FMN2: variants seen among roughly 807,000 people sequenced by gnomAD.
FMN2 encodes the protein formin-2.
In FMN2, 51 loss-of-function variants were observed where a neutral mutation model predicts 142.3. The ratio of observed to expected loss-of-function variants is 0.36; its 90% CI spans 0.29 to 0.45. FMN2 has a LOEUF of 0.45. Ranked by LOEUF, FMN2 falls within the 20% of genes least tolerant of loss-of-function variation. The pLI, the probability that FMN2 is intolerant of heterozygous loss-of-function variation, is 1.00. For synonymous variants in FMN2, 882 were observed against 869.8 expected (o/e 1.01, Z -0.25); for missense variants, 1,936 against 2,122.8 (o/e 0.91, Z 1.73).
rs934601601 is a variant in FMN2, at chr1:240,176,840, T to C, written c.1783-1081T>C. Among the ~76,000 whole-genome samples, 10 of 152,314 alleles carry C rather than the reference T, an allele frequency of 6.6e-5. No homozygotes were observed. In the South Asian group the frequency reaches 2.1e-3, roughly 32 times the overall value. The stretch of plus-strand genomic sequence containing the variant: ...CTGAGGCTAACCCCAGGAATCTGAA[T>C]TCTCAGTTAGGACCAATGACTGTCC... On this transcript the variant is annotated intron_variant, in intron 2 of 17. Coordinates refer to ENST00000319653, the MANE Select transcript of FMN2 (RefSeq NM_020066.5).
intron 8 of FMN2, among the ~76,000 whole-genome samples, chr1:240,303,565 T>A (rs968381313): frequency 1.3e-5 from 2 of 152,342 alleles, no homozygotes; most frequent in East Asian, 1.9e-4. Flanking sequence ...ACCAGTTACT[T>A]CTTTCTTGCT....
chr1:240,207,540 C>G lies in FMN2; in HGVS notation c.2728C>G (p.Pro910Ala), dbSNP rs758648934. Residue 910 changes from proline to alanine, a missense_variant, in exon 5 of 18, where the codon CCC (proline) becomes GCC (alanine). Physicochemically the swap from Pro to Ala is conservative, Grantham distance 27 (BLOSUM62 -1). This residue lies in a region of FMN2 where 478 missense variants were observed against 462.8 expected (regional missense o/e 1.03). Transcript: ENST00000319653. ...TCTGCAGGGTACAGAAATGCTGCCA[C>G]CCCCTCCCCCTCCTCTTCCCGGAGC... Reference protein sequence around the residue: ...PPLQGTEMLPPPPPPLPGAGI... With the variant: ...PPLQGTEMLPAPPPPLPGAGI... 1 of 1,606,934 alleles carries G rather than the reference C, an allele frequency of 6.2e-7. No individual in the cohort carries two copies. The highest frequency in any genetic ancestry group is 1.1e-5 in the South Asian group (1 of 91,046).
chr1:240,241,938 C>T (rs553965983), intron 6 of FMN2, among the ~76,000 whole-genome samples: 12 of 151,116 alleles, frequency 7.9e-5, no homozygotes, highest in South Asian at 2.1e-4. Flanking sequence ...CTCCGCCTCC[C>T]GGGTTCACGC....
chr1:240,440,168 C>A (rs377430298), intron 16 of FMN2, among the ~76,000 whole-genome samples: 2 of 152,080 alleles, frequency 1.3e-5, no homozygotes, highest in African/African-American at 4.8e-5. Flanking sequence ...CGTGGAGGTC[C>A]CAGGCCAGGA....
chr1:240,172,801 C>G (rs1377493804), intron 2 of FMN2, among the ~76,000 whole-genome samples: 1 of 152,106 alleles, frequency 6.6e-6, no homozygotes. Flanking sequence ...CCTTTTGGTT[C>G]CTTGGTAAAC....
chr1:240,451,950 G>C (rs1443132861), intron 16 of FMN2, among the ~76,000 whole-genome samples: 2 of 151,938 alleles, frequency 1.3e-5, no homozygotes, highest in Non-Finnish European at 2.9e-5. Context: ...GTTATATATT[G>C]GGAGGCCGAG....
At chr1:240,297,383 C>G (rs557352090) in intron 8 of FMN2, among the ~76,000 whole-genome samples, 1 of 151,806 alleles carries the variant, frequency 6.6e-6, no homozygotes, top group Non-Finnish European at 1.5e-5. Context: ...ATCACGAGGT[C>G]GGGAGTTCGA....
At chr1:240,214,656 A>T (rs2103410053) in intron 6 of FMN2, among the ~76,000 whole-genome samples, 1 of 152,308 alleles carries the variant, frequency 6.6e-6, no homozygotes, top group African/African-American at 2.4e-5. Context: ...GGAAGGCTTT[A>T]GAGCCAGTAA....
At chr1:240,462,750 G>A (rs1676486283) in intron 16 of FMN2, among the ~76,000 whole-genome samples, 1 of 152,082 alleles carries the variant, frequency 6.6e-6, no homozygotes, top group South Asian at 2.1e-4. Context: ...TTACTATTTA[G>A]CACAGTAAAG....
intron 8 of FMN2, among the ~76,000 whole-genome samples, chr1:240,309,038 G>T (rs1336103782): frequency 1.3e-5 from 2 of 152,106 alleles, no homozygotes; most frequent in African/African-American, 2.4e-5. Flanking sequence ...GGGTATGAGT[G>T]TTAGAAAGTC....
intron 8 of FMN2, among the ~76,000 whole-genome samples, chr1:240,306,757 A>G (rs997274555): frequency 6.6e-6 from 1 of 152,216 alleles, no homozygotes; most frequent in African/African-American, 2.4e-5. Flanking sequence ...TCCTTTGAAT[A>G]TATACCCACT....
chr1:240,126,671 A>G (rs999874631), intron 2 of FMN2, among the ~76,000 whole-genome samples: 1 of 152,208 alleles, frequency 6.6e-6, no homozygotes, highest in African/African-American at 2.4e-5. Context: ...AAAGACAAAG[A>G]TGGCTTTGAG....
chr1:240,132,654 G>T (rs1467737305), intron 2 of FMN2, among the ~76,000 whole-genome samples: 1 of 152,136 alleles, frequency 6.6e-6, no homozygotes, highest in Admixed American at 6.5e-5. Context: ...AAGGAGGTTT[G>T]TCAGGGTCTG....
At chr1:240,290,339 G>A (rs6690616) in intron 7 of FMN2, among the ~76,000 whole-genome samples, 20,605 of 152,096 alleles carry the variant, frequency 0.14, 1,509 homozygotes, top group African/African-American at 0.2. Context: ...AGCTCATACC[G>A]GTGGAGCAAG....
At chr1:240,105,453 T>G (rs1388296843) in intron 1 of FMN2, among the ~76,000 whole-genome samples, 1 of 152,310 alleles carries the variant, frequency 6.6e-6, no homozygotes, top group East Asian at 1.9e-4. Context: ...GTTGAGTTTC[T>G]TAAAAAATCC....
chr1:240,394,876 G>A (rs1673722721), intron 15 of FMN2, among the ~76,000 whole-genome samples: 1 of 152,146 alleles, frequency 6.6e-6, no homozygotes, highest in Non-Finnish European at 1.5e-5. Flanking sequence ...GCTGAGGCAG[G>A]AGAATCGCTT....
At chr1:240,321,081 A>G (rs1451157651) in intron 8 of FMN2, among the ~76,000 whole-genome samples, 1 of 152,072 alleles carries the variant, frequency 6.6e-6, no homozygotes, top group Non-Finnish European at 1.5e-5. Context: ...CATAAAGTCT[A>G]CTGCATGGCA....
intron 1 of FMN2, among the ~76,000 whole-genome samples, chr1:240,110,050 G>A (rs1225520040): frequency 6.6e-6 from 1 of 152,134 alleles, no homozygotes; most frequent in Admixed American, 6.5e-5. Context: ...TACACAGACT[G>A]CTTTTAAAAT....
intron 14 of FMN2, among the ~76,000 whole-genome samples, chr1:240,361,803 G>A (rs1451214939): frequency 6.6e-6 from 1 of 152,220 alleles, no homozygotes; most frequent in African/African-American, 2.4e-5. Flanking sequence ...CATGGATGTG[G>A]TCACCTAGGA....
Sources: allele counts gnomAD v4.1 joint callset (sites outside exome capture counted in the v4.1 genomes callset), GRCh38; gene constraint gnomAD v4.1.1; regional missense constraint gnomAD v4.1.1; transcripts MANE v1.5; gene names NCBI Gene and HGNC (gene_info 2026-07-23, HGNC 2026-07-21).